FMR1: variants seen among roughly 807,000 people sequenced by gnomAD.
FMR1 encodes the protein FMRP translational regulator 1.
In FMR1, 13 loss-of-function variants were observed where a neutral mutation model predicts 50.6. That is an observed-to-expected ratio of 0.26 (90% CI 0.17 to 0.41). FMR1 has a LOEUF of 0.41. Ranked by LOEUF, FMR1 falls within the 10% of genes least tolerant of loss-of-function variation. The pLI, the probability that FMR1 is intolerant of heterozygous loss-of-function variation, is 1.00. For missense variants in FMR1, 316 were observed against 491.3 expected, an observed-to-expected ratio of 0.64 and a Z score of 3.37; for synonymous variants, 138 against 164.1, an observed-to-expected ratio of 0.84 and a Z score of 1.22.
chrX:147,946,197 A>G (rs2044165251), intron 16 of FMR1, among the ~76,000 whole-genome samples: 1 of 112,260 alleles, frequency 8.9e-6, no homozygotes, highest in African/African-American at 3.2e-5. Flanking sequence ...TTAATACCAC[A>G]TTGGTAGACC....
At chrX:147,942,263 A>G (rs1241133027) in intron 13 of FMR1, among the ~76,000 whole-genome samples, 1 of 112,043 alleles carries the variant, frequency 8.9e-6, no homozygotes, top group East Asian at 2.8e-4. Context: ...GACGCCTACT[A>G]CTACTATAGT....
chrX:147,940,180 C>CAAAAAAAAAAAAA (rs1569545946), intron 12 of FMR1: 18 of 76,308 alleles, frequency 2.4e-4, no homozygotes, highest in Admixed American at 4.6e-4. Context: ...AAAAAAAAAA[C>CAAAAAAAAAAAAA]AAAAAAGAAA....
At chrX:147,943,039 T>C (rs1462691075) in intron 13 of FMR1, 92 bp from the exon 14 acceptor site, 2 of 727,767 alleles carry the variant, frequency 2.7e-6, no homozygotes, top group Non-Finnish European at 4.2e-6. Flanking sequence ...AATTGAAATA[T>C]TCCAGTATAT....
chrX:147,929,883 G>T (rs2043530387), intron 5 of FMR1, 65 bp from the exon 6 acceptor site: 1 of 724,321 alleles, frequency 1.4e-6, no homozygotes, highest in African/African-American at 2.2e-5. Flanking sequence ...GTGTAAATCT[G>T]CCTGCATTTA....
chrX:147,933,276 A>G (rs2043670616), intron 9 of FMR1: 4 of 340,603 alleles, frequency 1.2e-5, no homozygotes, highest in Non-Finnish European at 9.9e-6. Flanking sequence ...TATACCTTTT[A>G]TATCTTAAAA....
chrX:147,936,323 A>C (rs1473515924), intron 9 of FMR1, among the ~76,000 whole-genome samples, 181 bp from the exon 10 acceptor site: 1 of 112,157 alleles, frequency 8.9e-6, no homozygotes, highest in Non-Finnish European at 1.9e-5. Context: ...TTAAACAGAA[A>C]ACCAGATTAA....
intron 13 of FMR1, among the ~76,000 whole-genome samples, chrX:147,941,724 C>T (rs1443108974): frequency 3.7e-5 from 4 of 106,728 alleles, no homozygotes; most frequent in Admixed American, 2.0e-4. Flanking sequence ...GTGTCTCTCT[C>T]GTAATTAGCT....
intron 12 of FMR1, among the ~76,000 whole-genome samples, chrX:147,938,468 A>G (rs1487610414): frequency 2.7e-5 from 3 of 111,799 alleles, no homozygotes; most frequent in Non-Finnish European, 3.8e-5. Flanking sequence ...TTCTAGACAT[A>G]TGTACAGGTT....
At chrX:147,923,493 C>T (rs1328492693) in intron 2 of FMR1, among the ~76,000 whole-genome samples, 2 of 107,894 alleles carry the variant, frequency 1.9e-5, no homozygotes, top group Non-Finnish European at 3.9e-5. Flanking sequence ...TCTTTATTTG[C>T]TACTCTTTTA....
intron 9 of FMR1, chrX:147,933,567 T>C: frequency 3.4e-6 from 3 of 893,251 alleles, no homozygotes; most frequent in Non-Finnish European, 4.2e-6. Context: ...ATTTAGGAGC[T>C]CTTCACCAAT....
At chrX:147,922,030 T>C in intron 2 of FMR1, 45 bp downstream of exon 2, 3 of 799,615 alleles carry the variant, frequency 3.8e-6, no homozygotes, top group Non-Finnish European at 5.7e-6. Flanking sequence ...TTCTTTAATA[T>C]TTTATGCTAA....
chrX:147,944,794 C>G, intron 14 of FMR1, 75 bp from the exon 15 acceptor site: 1 of 1,135,741 alleles, frequency 8.8e-7, no homozygotes, highest in Non-Finnish European at 1.2e-6. Context: ...TGAAACGTCT[C>G]TGGAAGCTTC....
At chrX:147,926,749 A>G (rs1177500927) in intron 3 of FMR1, among the ~76,000 whole-genome samples, 2 of 111,126 alleles carry the variant, frequency 1.8e-5, no homozygotes, top group Non-Finnish European at 3.8e-5. Flanking sequence ...CGGCCTCCCA[A>G]AGTGCTGGGA....
chrX:147,932,655 T>G, intron 8 of FMR1, 30 bp from the exon 9 acceptor site: 1 of 1,200,650 alleles, frequency 8.3e-7, no homozygotes, highest in South Asian at 1.8e-5. Context: ...TGGCTAATCT[T>G]TTGTCTTAAA....
At chrX:147,943,647 A>G (rs2044080896) in intron 14 of FMR1, 1 of 250,017 alleles carries the variant, frequency 4.0e-6, no homozygotes, top group African/African-American at 2.8e-5. Context: ...ACTGTGGCTC[A>G]TTTTTATTTT....
intron 7 of FMR1, among the ~76,000 whole-genome samples, chrX:147,932,121 T>C (rs2043629185): frequency 8.9e-6 from 1 of 111,922 alleles, no homozygotes; most frequent in African/African-American, 3.2e-5. Context: ...TCTTAGTTAT[T>C]ATATTGCTGA....
intron 2 of FMR1, among the ~76,000 whole-genome samples, chrX:147,924,509 A>AT (rs1211646135): frequency 4.6e-5 from 2 of 43,455 alleles, no homozygotes; most frequent in African/African-American, 1.6e-4. Flanking sequence ...GTCTATATAT[A>AT]TATATATTTT....
intron 2 of FMR1, among the ~76,000 whole-genome samples, chrX:147,923,326 C>T (rs1286519683): frequency 8.9e-6 from 1 of 111,993 alleles, no homozygotes; most frequent in East Asian, 2.8e-4. Context: ...TTTGTCTCTT[C>T]GCTGTTTCAT....
chrX:147,915,327 T>G (rs1362095413), intron 1 of FMR1, among the ~76,000 whole-genome samples: 1 of 111,926 alleles, frequency 8.9e-6, no homozygotes, highest in Non-Finnish European at 1.9e-5. Context: ...CAAATAAACT[T>G]GCATAAGGTT....
Sources: allele counts gnomAD v4.1 joint callset (sites outside exome capture counted in the v4.1 genomes callset), GRCh38; gene constraint gnomAD v4.1.1; transcripts MANE v1.5; gene names NCBI Gene and HGNC (gene_info 2026-07-23, HGNC 2026-07-21).